Variants in NTNG1 observed in about 807,000 individuals in gnomAD.
The protein encoded by NTNG1 is netrin-G1.
A neutral mutation model predicts 54.0 loss-of-function variants in NTNG1; 16 were observed. The ratio of observed to expected loss-of-function variants is 0.30; its 90% CI spans 0.20 to 0.45. The LOEUF (loss-of-function observed/expected upper bound fraction) is 0.45, where lower values mean the gene tolerates loss of function less well. Among genes scored for constraint, NTNG1 ranks in the 20% least tolerant of loss-of-function variants. The pLI is 1.00. For synonymous variants in NTNG1, 255 were observed against 263.1 expected, an observed-to-expected ratio of 0.97 and a Z score of 0.30; for missense variants, 530 against 678.7, an observed-to-expected ratio of 0.78 and a Z score of 2.43.
rs147856407 is a variant in NTNG1 at position 107,342,595 on chromosome 1, G to A, written c.887+17673G>A. ...CTGGAGAGTTTGTTAAAAAGAATGT[G>A]GTGAACCTACTTTGGATAATGTTGA... is the stretch of plus-strand genomic sequence containing the variant. On this transcript the variant is annotated intron_variant, in intron 3 of 7. Coordinates refer to ENST00000370068, the MANE Select transcript of NTNG1 (RefSeq NM_001113226.3). Among the ~76,000 whole-genome samples the A allele has an allele frequency of 8.5e-5, 13 of 152,154 alleles. No individual in the cohort carries two copies. In the East Asian group the frequency reaches 2.3e-3, roughly 27 times the overall value.
chr1:107,218,412 C>A (rs1205789001), intron 2 of NTNG1, among the ~76,000 whole-genome samples: 1 of 152,136 alleles, frequency 6.6e-6, no homozygotes, highest in African/African-American at 2.4e-5. Flanking sequence ...TTCTGCCATT[C>A]TGTATCTTTT....
At position 107,266,681 on chromosome 1, in the gene NTNG1, C is replaced by T. The variant is rs115277870; in HGVS notation, c.247-57601C>T. Reference sequence around the variant, plus strand: ...ACATAACCTGGATCAAGTCATTTAACTCTCTAAGGTGAGAGTTTCCTATTC... The same window carrying T: ...ACATAACCTGGATCAAGTCATTTAATTCTCTAAGGTGAGAGTTTCCTATTC... On this transcript the variant is annotated intron_variant, in intron 2 of 7. Coordinates refer to ENST00000370068, the MANE Select transcript of NTNG1 (RefSeq NM_001113226.3). 4.2e-3 allele frequency among the ~76,000 whole-genome samples: 626 copies of T among 150,208 alleles called. 5 individuals carry two copies. The highest frequency in any genetic ancestry group is 0.014 in the African/African-American group (589 of 40,730).
At chr1:107,262,801 A>T (rs1264500180) in intron 2 of NTNG1, among the ~76,000 whole-genome samples, 1 of 152,250 alleles carries the variant, frequency 6.6e-6, no homozygotes, top group African/African-American at 2.4e-5. Context: ...GGGTTGGGAA[A>T]GACAAATAAA....
At position 107,341,921 on chromosome 1, in the gene NTNG1, C is replaced by A. The variant is rs528671396; in HGVS notation, c.887+16999C>A. Among the ~76,000 whole-genome samples the A allele has an allele frequency of 1.2e-3, 188 of 151,962 alleles. 1 individual carries two copies. Among genetic ancestry groups the A allele is most frequent in the African/African-American group, 3.8e-3 (159 of 41,462 alleles). ...AATCACATCCAGTTTAGAGGTGTAT[C>A]TATGAGTTGTGAGGAAATTGGAACA... On this transcript the variant is annotated intron_variant, in intron 3 of 7. Transcript: ENST00000370068.
At chr1:107,434,308 T>C (rs548900822) in intron 6 of NTNG1, among the ~76,000 whole-genome samples, 26 of 152,342 alleles carry the variant, frequency 1.7e-4, no homozygotes, top group African/African-American at 5.5e-4. Context: ...GCCACAGTGA[T>C]TGCTGCTTTG....
At chr1:107,343,241 G>A (rs758148621) in intron 3 of NTNG1, among the ~76,000 whole-genome samples, 13 of 152,124 alleles carry the variant, frequency 8.5e-5, no homozygotes, top group Admixed American at 2.0e-4. Context: ...AGAAGGGAAT[G>A]TTCCTTAATC....
At chr1:107,182,687 G>A (rs569153189) in intron 2 of NTNG1, among the ~76,000 whole-genome samples, 2 of 152,092 alleles carry the variant, frequency 1.3e-5, no homozygotes, top group Non-Finnish European at 2.9e-5. Context: ...TGAGATTTGA[G>A]CTGCACAGGA....
At chr1:107,286,946 C>A (rs890231479) in intron 2 of NTNG1, among the ~76,000 whole-genome samples, 1 of 152,088 alleles carries the variant, frequency 6.6e-6, no homozygotes, top group Non-Finnish European at 1.5e-5. Flanking sequence ...TAACACTAAG[C>A]ACTGTATCCT....
intron 2 of NTNG1, among the ~76,000 whole-genome samples, chr1:107,173,119 AT>A (rs1242393416): frequency 6.6e-6 from 1 of 152,170 alleles, no homozygotes; most frequent in African/African-American, 2.4e-5. Context: ...CTTCCAGGCC[AT>A]TATATGATAT....
intron 7 of NTNG1, among the ~76,000 whole-genome samples, chr1:107,472,172 A>C (rs1261947892): frequency 6.6e-6 from 1 of 152,136 alleles, no homozygotes; most frequent in Non-Finnish European, 1.5e-5. Flanking sequence ...TATGAGGGAA[A>C]AAACTATCCC....
intron 7 of NTNG1, among the ~76,000 whole-genome samples, chr1:107,471,574 G>A (rs1677982999): frequency 6.6e-6 from 1 of 152,186 alleles, no homozygotes; most frequent in African/African-American, 2.4e-5. Context: ...GATTGATACA[G>A]GAGAGTGCAC....
chr1:107,152,588 T>C (rs960028132), intron 2 of NTNG1, among the ~76,000 whole-genome samples: 18 of 152,330 alleles, frequency 1.2e-4, no homozygotes, highest in Admixed American at 3.9e-4. Flanking sequence ...AACTCATGTG[T>C]GTTTATACAA....
In NTNG1 at chr1:107,407,426, T is replaced by G. The variant is rs185205383; in HGVS notation, c.1061-256T>G. Among the ~76,000 whole-genome samples, 9 of 152,208 alleles carry G rather than the reference T, an allele frequency of 5.9e-5. 1 individual carries two copies. Among genetic ancestry groups the G allele is most frequent in the Non-Finnish European group, 1.2e-4 (8 of 68,006 alleles). ...TTGGACCAGATGCCGAAATGAGTAT[T>G]AACTTCCCAACTCTGATGAGCCCAG... On this transcript the variant is annotated intron_variant, in intron 4 of 7. Transcript: ENST00000370068.
chr1:107,215,461 T>G (rs1379781520), intron 2 of NTNG1, among the ~76,000 whole-genome samples: 2 of 152,236 alleles, frequency 1.3e-5, no homozygotes, highest in Non-Finnish European at 2.9e-5. Context: ...TCTTTATTTT[T>G]GGGTTCTCTA....
intron 2 of NTNG1, among the ~76,000 whole-genome samples, chr1:107,301,636 G>C (rs558843500): frequency 1.3e-5 from 2 of 152,232 alleles, no homozygotes; most frequent in African/African-American, 4.8e-5. Flanking sequence ...AGTAGAAATA[G>C]ATGTTCCAGT....
chr1:107,322,663 C>T (rs956433686), intron 2 of NTNG1, among the ~76,000 whole-genome samples: 4 of 152,026 alleles, frequency 2.6e-5, no homozygotes, highest in African/African-American at 9.7e-5. Context: ...TATTTCCCCC[C>T]TCCCCTGGCT....
intron 3 of NTNG1, among the ~76,000 whole-genome samples, chr1:107,376,417 C>CAAAAAAAAAAA (rs59015235): frequency 6.8e-6 from 1 of 147,994 alleles, no homozygotes; most frequent in Non-Finnish European, 1.5e-5. Context: ...CAAAACAAAA[C>CAAAAAAAAAAA]AAAAAAAAAA....
chr1:107,380,567 G>A (rs1671580746), intron 3 of NTNG1, among the ~76,000 whole-genome samples: 1 of 152,170 alleles, frequency 6.6e-6, no homozygotes, highest in Non-Finnish European at 1.5e-5. Context: ...TCTTATGAAG[G>A]CATGTTTAAA....
chr1:107,185,681 T>A (rs1024015210), intron 2 of NTNG1, among the ~76,000 whole-genome samples: 3 of 152,114 alleles, frequency 2.0e-5, no homozygotes, highest in African/African-American at 4.8e-5. Flanking sequence ...TTACGTAGCA[T>A]CGTTTGTGCT....
Sources: allele counts gnomAD v4.1 joint callset (sites outside exome capture counted in the v4.1 genomes callset), GRCh38; gene constraint gnomAD v4.1.1; transcripts MANE v1.5; gene names NCBI Gene and HGNC (gene_info 2026-07-23, HGNC 2026-07-21).